The following FBXL18 variants were observed in gnomAD, a reference collection of about 807,000 sequenced individuals.
FBXL18 encodes the protein F-box/LRR-repeat protein 18.
FBXL18 carries 36 observed loss-of-function variants against 46.0 expected under a neutral mutation model. The observed-to-expected ratio is 0.78, with a 90% confidence interval of 0.60 to 1.03. The LOEUF is 1.03. FBXL18 is among the 50% of genes least tolerant of loss of function. The pLI, the probability that FBXL18 is intolerant of heterozygous loss-of-function variation, is 0.00. For synonymous variants in FBXL18, 557 were observed against 465.3 expected (o/e 1.20, Z -2.54); for missense variants, 977 against 1,004.1 (o/e 0.97, Z 0.36).
chr7:5,495,565 C>T (rs1337888742), intron 3 of FBXL18, among the ~76,000 whole-genome samples: 1 of 152,222 alleles, frequency 6.6e-6, no homozygotes, highest in African/African-American at 2.4e-5. Context: ...GGAGCCCCAG[C>T]AAGCACAAAG....
chr7:5,458,904 T>C (rs1783207825), intron 4 of FBXL18, among the ~76,000 whole-genome samples: 1 of 152,116 alleles, frequency 6.6e-6, no homozygotes. Flanking sequence ...CCCAGCACTT[T>C]GGGAAGCCAA....
At chr7:5,462,571 T>A (rs1048597492) in intron 4 of FBXL18, among the ~76,000 whole-genome samples, 16 of 152,114 alleles carry the variant, frequency 1.1e-4, no homozygotes, top group African/African-American at 3.6e-4. Context: ...AGACGATGTT[T>A]TCACCTGCAG....
chr7:5,489,157 G>A (rs1220984233), intron 4 of FBXL18: 2 of 452,446 alleles, frequency 4.4e-6, no homozygotes, highest in Non-Finnish European at 8.8e-6. Context: ...ACACCCAGAT[G>A]AGAGCCGTGA....
chr7:5,502,997 C>G (rs1357999002), intron 2 of FBXL18, among the ~76,000 whole-genome samples: 2 of 152,204 alleles, frequency 1.3e-5, no homozygotes, highest in Non-Finnish European at 2.9e-5. Context: ...TCACAAGAAG[C>G]CACAGGTACA....
chr7:5,484,790 C>T (rs1783733585), intron 4 of FBXL18, among the ~76,000 whole-genome samples: 1 of 151,976 alleles, frequency 6.6e-6, no homozygotes, highest in Admixed American at 6.6e-5. Context: ...AGGTGCCCGC[C>T]ACCATGCCTG....
chr7:5,469,219 C>A (rs923454833), intron 4 of FBXL18, among the ~76,000 whole-genome samples: 1 of 152,180 alleles, frequency 6.6e-6, no homozygotes. Flanking sequence ...CGAGACCAGA[C>A]TGGCCAACAT....
At chr7:5,458,468 G>T (rs543822993) in intron 4 of FBXL18, among the ~76,000 whole-genome samples, 1 of 152,134 alleles carries the variant, frequency 6.6e-6, no homozygotes, top group Non-Finnish European at 1.5e-5. Context: ...GGGAGGCTGC[G>T]GCGGGCGGAT....
chr7:5,497,876 G>T (rs1784124560), intron 3 of FBXL18, among the ~76,000 whole-genome samples: 1 of 152,030 alleles, frequency 6.6e-6, no homozygotes, highest in Non-Finnish European at 1.5e-5. Flanking sequence ...CTATTCTGGG[G>T]ACAATGACAC....
At chr7:5,507,130 C>T (rs1784413896) in intron 1 of FBXL18, among the ~76,000 whole-genome samples, 1 of 152,184 alleles carries the variant, frequency 6.6e-6, no homozygotes, top group African/African-American at 2.4e-5. Context: ...GGGACTGTGT[C>T]TACACGACCC....
rs1331048424 is a variant in FBXL18, at chr7:5,481,427, G to A, written c.*348C>T. On this transcript the variant is annotated 3_prime_UTR_variant, in exon 5 of 5. Transcript: ENST00000382368. Reference sequence around the variant, plus strand: ...CACGCTTCCCGGTCGGAAGTGGCAGGGGGTTCGGGCCCTCCAGGCCCGTGG... The same window carrying A: ...CACGCTTCCCGGTCGGAAGTGGCAGAGGGTTCGGGCCCTCCAGGCCCGTGG... 5.2e-6 allele frequency: 1 copy of A among 193,144 alleles called. No homozygotes were observed. 12.0% of individuals were successfully genotyped at this position (193,144 alleles called of 1,614,324 possible). A position where few individuals can be genotyped will look rare whatever the true frequency, so the allele number is the denominator to read the frequency against.
chr7:5,469,531 G>C (rs1783395593), intron 4 of FBXL18, among the ~76,000 whole-genome samples: 2 of 152,116 alleles, frequency 1.3e-5, no homozygotes. Context: ...GAATGTGTGA[G>C]CTATCAGTGT....
chr7:5,470,685 C>T (rs1456388725), intron 4 of FBXL18, among the ~76,000 whole-genome samples: 13 of 108,954 alleles, frequency 1.2e-4, no homozygotes, highest in African/African-American at 4.4e-4. Context: ...CCAGAGGCTG[C>T]CCCCTCCCCT....
rs1288914050 is a variant in FBXL18, at chr7:5,496,457, T to C, written c.1781+4031A>G. On this transcript the variant is annotated intron_variant, in intron 3 of 4. Coordinates refer to ENST00000382368, the MANE Select transcript of FBXL18 (RefSeq NM_024963.6). The surrounding 1 kb of genome is among the most constrained non-coding windows in gnomAD (Gnocchi z 4.8). Reference sequence around the variant, plus strand: ...GTCACGTGTGCCCCAGCCCAATCCGTGGGCTCACCTGGATCCATAGGTGGC... The same window carrying C: ...GTCACGTGTGCCCCAGCCCAATCCGCGGGCTCACCTGGATCCATAGGTGGC... Among the ~76,000 whole-genome samples the C allele has an allele frequency of 1.3e-5, 2 of 148,492 alleles. No homozygotes were observed. The highest frequency in any genetic ancestry group is 4.1e-4 in the East Asian group (2 of 4,874).
chr7:5,488,401 G>A (rs77523830), intron 4 of FBXL18, among the ~76,000 whole-genome samples: 2 of 152,328 alleles, frequency 1.3e-5, no homozygotes, highest in Non-Finnish European at 2.9e-5. Flanking sequence ...AGGGTGGGGC[G>A]GGGGGCTGCC....
chr7:5,501,252 C>A lies in FBXL18; in HGVS notation c.1017G>T (p.Gly339=), dbSNP rs1237291073. 1.2e-6 allele frequency: 2 copies of A among 1,613,704 alleles called. No homozygotes were observed. The highest frequency in any genetic ancestry group is 2.7e-5 in the African/African-American group (2 of 74,958). The stretch of plus-strand genomic sequence containing the variant: ...AGCTGGCCAGGCTCCGCAGGTCCTT[C>A]CCGCCGTTGATGACCTGCTGGATCA... ...GHLIQQVING[G]KDLRSLASLN... The change falls in exon 3 of 5, where the codon GGG becomes GGT. Residue 339 remains glycine (G), a synonymous_variant. Transcript: ENST00000382368.
Position 5,460,979 on chromosome 7 carries a change from G to A in FBXL18, c.2001-13136C>T, listed in dbSNP as rs72577286. 0.052 allele frequency among the ~76,000 whole-genome samples: 7,848 copies of A among 152,274 alleles called. 1,012 individuals are homozygous for A. In the East Asian group the frequency reaches 0.54, roughly 11 times the overall value. ...ACTGGGAAACAGGGCTGAGAGTCTC[G>A]TTTGTTCAAAGAAAATCTTTTCCTT... On this transcript the variant is annotated intron_variant and NMD_transcript_variant, in intron 4 of 6. Transcript: ENST00000415009.
rs376657348 is a variant in FBXL18, at chr7:5,495,779, G to A, written c.1782-4330C>T. On this transcript the variant is annotated intron_variant, in intron 3 of 4. Transcript: ENST00000382368. ...ACCTGCTCCTTCCACTGCAGCGTCC[G>A]GGCTCCCTTGCCGCAGAAGGCAGGA... 1.6e-3 allele frequency: 774 copies of A among 472,380 alleles called. 7 individuals are homozygous for A. The highest frequency in any genetic ancestry group is 9.3e-3 in the South Asian group (600 of 64,580). 29.3% of individuals were successfully genotyped at this position (472,380 alleles called of 1,614,324 possible). A position where few individuals can be genotyped will look rare whatever the true frequency, so the allele number is the denominator to read the frequency against.
chr7:5,490,166 G>C (rs200925053), intron 4 of FBXL18: 13 of 1,355,782 alleles, frequency 9.6e-6, no homozygotes, highest in Non-Finnish European at 1.2e-5. Flanking sequence ...GGCTCTTCTC[G>C]CAACTCTGTG....
intron 4 of FBXL18, among the ~76,000 whole-genome samples, chr7:5,456,768 T>A (rs1399853175): frequency 6.6e-6 from 1 of 152,260 alleles, no homozygotes; most frequent in East Asian, 1.9e-4. Flanking sequence ...CCAGTCCCCT[T>A]TTTTTGTTTG....
Sources: gnomAD v4.1 joint callset for allele counts (sites outside exome capture counted in the v4.1 genomes callset) on GRCh38, gnomAD v4.1.1 for gene constraint, Gnocchi (gnomAD v3.1) non-coding constraint, MANE v1.5 for transcripts, NCBI Gene and HGNC (gene_info 2026-07-23, HGNC 2026-07-21) for gene names.